Variants in TECPR1 observed in about 807,000 individuals in gnomAD.
The protein encoded by TECPR1 is tectonin beta-propeller repeat-containing protein 1.
TECPR1 carries 122 observed loss-of-function variants against 162.4 expected under a neutral mutation model. The observed-to-expected ratio is 0.75, with a 90% CI of 0.65 to 0.87. TECPR1 has a LOEUF of 0.87. Among genes scored for constraint, TECPR1 ranks in the 40% least tolerant of loss-of-function variants. The pLI is 0.00. For synonymous variants in TECPR1, 642 were observed against 670.6 expected (o/e 0.96, Z 0.66); for missense variants, 1,432 against 1,618.2 (o/e 0.88, Z 1.97).
chr7:98,222,913 G>C (rs922793943), intron 21 of TECPR1, 77 bp downstream of exon 21: 45 of 1,554,608 alleles, frequency 2.9e-5, no homozygotes, highest in Non-Finnish European at 3.9e-5. Context: ...GGCTTGTCCT[G>C]AGCAGGGTCT....
intron 16 of TECPR1, chr7:98,228,729 G>A (rs553850292): frequency 6.7e-6 from 2 of 297,972 alleles, no homozygotes; most frequent in Non-Finnish European, 1.3e-5. Context: ...GAAATCGGGG[G>A]GCCACAGAAG....
At chr7:98,244,063 TA>T (rs1798837057) in intron 5 of TECPR1, among the ~76,000 whole-genome samples, 1 of 151,604 alleles carries the variant, frequency 6.6e-6, no homozygotes, top group Non-Finnish European at 1.5e-5. Context: ...ACCCTATCTC[TA>T]AAAAGAAAAA....
In TECPR1 at chr7:98,229,102, C is replaced by T. The variant is rs1264824848; in HGVS notation, c.2347G>A (p.Gly783Ser). ...CAGGCCGTGTGGTCATAGCCGATGC[C>T]CCACACCACGCCCCGGCTGTTGGCC... ...VEANSRGVVW[G>S]IGYDHTAWVY... The change falls in exon 16 of 26, where the codon GGC (glycine) becomes AGC (serine). Residue 783 changes from glycine to serine, a missense_variant. Transcript: ENST00000447648. The T allele has an allele frequency of 6.3e-7, 1 of 1,579,070 alleles. No individual in the cohort carries two copies. Among genetic ancestry groups the T allele is most frequent in the Non-Finnish European group, 8.6e-7 (1 of 1,163,404 alleles).
At position 98,232,041 on chromosome 7, in the gene TECPR1, G is replaced by A; in HGVS notation, c.1819-82C>T. 2.7e-6 allele frequency: 4 copies of A among 1,469,002 alleles called. No individual in the cohort carries two copies. The highest frequency in any genetic ancestry group is 1.8e-6 in the Non-Finnish European group (2 of 1,093,670). The allele number at this position is 1,469,002 out of a possible 1,614,324, so 91.0% of individuals were successfully genotyped here. On this transcript the variant is annotated intron_variant, in intron 12 of 25. Coordinates refer to ENST00000447648, the MANE Select transcript of TECPR1 (RefSeq NM_015395.3). This position sits in a 1 kb window ranked among gnomAD's most constrained non-coding sequence, Gnocchi z 4.6. ...GAGGGCGGGGCTGGGGGTGCCCAGA[G>A]GAGGAGGCAGGGCTGGGGTAGGGCC...
intron 19 of TECPR1, among the ~76,000 whole-genome samples, chr7:98,224,460 C>A (rs906597027): frequency 3.3e-5 from 5 of 152,218 alleles, no homozygotes; most frequent in Admixed American, 6.5e-5. Context: ...CCTCCTCAAG[C>A]CCCTCAGTCT....
intron 17 of TECPR1, among the ~76,000 whole-genome samples, chr7:98,227,178 G>T (rs976348151): frequency 3.3e-5 from 5 of 151,894 alleles, no homozygotes; most frequent in Non-Finnish European, 7.4e-5. Flanking sequence ...CGGATCATGA[G>T]GTCAGGAATT....
intron 17 of TECPR1, 85 bp downstream of exon 17, chr7:98,227,929 G>A (rs956585969): frequency 6.5e-5 from 70 of 1,074,982 alleles, no homozygotes; most frequent in Middle Eastern, 2.3e-4. Context: ...TGGACTCCAC[G>A]CTACGGTGGA....
Position 98,238,560 on chromosome 7 carries a change from C to A in TECPR1, c.984G>T (p.Trp328Cys). The change falls in exon 9 of 26, where the codon TGG becomes TGT. Residue 328 changes from tryptophan (W) to cysteine (C), a missense_variant. Transcript: ENST00000447648. ...VNSHNPCGTS[W>C]IEMVGEMTMV... ...TCGTCATCTCACCAACCATCTCAAT[C>A]CAACTGGTGCCGCAGGGATTGTGAG... 6.3e-7 allele frequency: 1 copy of A among 1,574,966 alleles called. No homozygotes were observed. Among genetic ancestry groups the A allele is most frequent in the East Asian group, 2.3e-5 (1 of 42,954 alleles).
At chr7:98,219,184 G>A (rs996345286) in intron 23 of TECPR1, among the ~76,000 whole-genome samples, 8 of 152,002 alleles carry the variant, frequency 5.3e-5, no homozygotes, top group Non-Finnish European at 1.0e-4. Context: ...CTGGATAGTC[G>A]CATGTAGAAT....
rs979032546 is a variant in TECPR1 at position 98,232,254 on chromosome 7, C to T, written c.1819-295G>A. ...AGACAGGCTCGGGAGGGTTCCGTGCCTGGCTTTGGTGTCACAGAGTGAGCC... is the reference window on the plus strand; with the variant it reads ...AGACAGGCTCGGGAGGGTTCCGTGCTTGGCTTTGGTGTCACAGAGTGAGCC... On this transcript the variant is annotated intron_variant, in intron 12 of 25. Transcript: ENST00000447648. This position sits in a 1 kb window ranked among gnomAD's most constrained non-coding sequence, Gnocchi z 4.6. 6.6e-6 allele frequency among the ~76,000 whole-genome samples: 1 copy of T among 152,142 alleles called. No homozygotes were observed. Among genetic ancestry groups the T allele is most frequent in the African/African-American group, 2.4e-5 (1 of 41,412 alleles).
At chr7:98,242,424 CCCAT>C (rs1292568416) in intron 6 of TECPR1, among the ~76,000 whole-genome samples, 4 of 151,954 alleles carry the variant, frequency 2.6e-5, no homozygotes, top group African/African-American at 4.8e-5. Context: ...TACCCACCCA[CCCAT>C]CCATCCATCC....
chr7:98,229,411 G>T (rs1798365077), intron 15 of TECPR1, among the ~76,000 whole-genome samples: 1 of 152,190 alleles, frequency 6.6e-6, no homozygotes, highest in Admixed American at 6.5e-5. Flanking sequence ...TCCATGGGCT[G>T]GGAGTCTTCT....
intron 3 of TECPR1, 24 bp downstream of exon 3, chr7:98,245,898 A>T: frequency 6.4e-7 from 1 of 1,570,886 alleles, no homozygotes; most frequent in Non-Finnish European, 8.6e-7. Flanking sequence ...CCCGCTCGGC[A>T]ACTCCAACCA....
rs112300518 is a variant in TECPR1, at chr7:98,220,564, C to CT, written c.3157+1096dup. Among the ~76,000 whole-genome samples, 1,104 of 123,870 alleles carry CT rather than the reference C, an allele frequency of 8.9e-3. 35 individuals carry two copies. Among genetic ancestry groups the CT allele is most frequent in the African/African-American group, 0.029 (962 of 33,310 alleles). The allele number at this position is 123,870 out of a possible 152,430, so 81.3% of individuals were successfully genotyped here. A position where few individuals can be genotyped will look rare whatever the true frequency, so the allele number is the denominator to read the frequency against. The stretch of plus-strand genomic sequence containing the variant: ...TATAGGTGCGCACTACCACATCTGG[C>CT]TTTTTTTTTTTTGAGACGGAGTCTC... On this transcript the variant is annotated intron_variant, in intron 23 of 25. Transcript: ENST00000447648.
At chr7:98,226,822 A>G in intron 17 of TECPR1, 1 of 348,448 alleles carries the variant, frequency 2.9e-6, no homozygotes, top group Non-Finnish European at 5.5e-6. Context: ...AATCCCAACT[A>G]CTCGGGAGGC....
intron 2 of TECPR1, among the ~76,000 whole-genome samples, chr7:98,249,872 C>T (rs979669106): frequency 2.0e-5 from 3 of 151,250 alleles, no homozygotes; most frequent in Non-Finnish European, 2.9e-5. Flanking sequence ...GAGCCAAGAT[C>T]GTGTCACCAC....
chr7:98,226,152 T>C (rs1414602968), intron 17 of TECPR1, among the ~76,000 whole-genome samples: 1 of 152,110 alleles, frequency 6.6e-6, no homozygotes, highest in Admixed American at 6.5e-5. Context: ...CTGTCCTCCG[T>C]CGGAACTGAG....
intron 15 of TECPR1, 53 bp from the exon 16 acceptor site, chr7:98,229,219 C>A (rs903861114): frequency 4.8e-5 from 73 of 1,528,420 alleles, no homozygotes; most frequent in Non-Finnish European, 6.3e-5. Context: ...ACCTTCCAAC[C>A]CTGCCTGGCT....
intron 23 of TECPR1, among the ~76,000 whole-genome samples, 197 bp from the exon 24 acceptor site, chr7:98,218,239 A>C (rs560560999): frequency 3.9e-5 from 6 of 152,338 alleles, no homozygotes; most frequent in South Asian, 2.1e-4. Flanking sequence ...CCTGGGCTGC[A>C]GCCAGCTCCG....
Sources: gnomAD v4.1 joint callset for allele counts (sites outside exome capture counted in the v4.1 genomes callset) on GRCh38, gnomAD v4.1.1 for gene constraint, Gnocchi (gnomAD v3.1) non-coding constraint, MANE v1.5 for transcripts, NCBI Gene and HGNC (gene_info 2026-07-23, HGNC 2026-07-21) for gene names.